WDR81: variants seen among roughly 807,000 people sequenced by gnomAD.
WDR81 encodes the protein WD repeat domain 81, also known as WD repeat-containing protein 81.
A neutral mutation model predicts 140.8 loss-of-function variants in WDR81; 92 were observed. The observed-to-expected ratio is 0.65, with a 90% CI of 0.55 to 0.78. The LOEUF is 0.78. Ranked by LOEUF, WDR81 falls within the 30% of genes least tolerant of loss-of-function variation. WDR81 has a pLI of 0.00. For synonymous variants in WDR81, 1,183 were observed against 1,156.4 expected, an observed-to-expected ratio of 1.02 and a Z score of -0.47; for missense variants, 2,502 against 2,636.4, an observed-to-expected ratio of 0.95 and a Z score of 1.12.
Position 1,725,494 on chromosome 17 carries a change from C to G in WDR81, c.535C>G (p.Gln179Glu). 6.5e-7 allele frequency: 1 copy of G among 1,547,366 alleles called. No homozygotes were observed. Among genetic ancestry groups the G allele is most frequent in the Non-Finnish European group, 8.7e-7 (1 of 1,146,902 alleles). ...TGTCCCTGCCTTGGACTCAGTACGGCAGGCTCTGCAGAGGGTCTATGGTTG... is the reference window on the plus strand; with the variant it reads ...TGTCCCTGCCTTGGACTCAGTACGGGAGGCTCTGCAGAGGGTCTATGGTTG... ...SAVPALDSVR[Q>E]ALQRVYGCSF... Residue 179 changes from glutamine to glutamate, a missense_variant, in exon 1 of 10, where the codon CAG becomes GAG. Coordinates refer to ENST00000409644, the MANE Select transcript of WDR81 (RefSeq NM_001163809.2).
chr17:1,737,545 C>G lies in WDR81; in HGVS notation c.5686C>G (p.Leu1896Val). The change falls in exon 10 of 10, where the codon CTG becomes GTG. Residue 1896 changes from leucine (L) to valine (V), a missense_variant. By Grantham distance (32) the Leu-to-Val change is conservative. Coordinates refer to ENST00000409644, the MANE Select transcript of WDR81 (RefSeq NM_001163809.2). ...GTCCAACAAGATTGGCGTCTGCTCC[C>G]TGCTTGAGCCACCCTCGCAGGCCAC... ...TVSNKIGVCSLLEPPSQATTK... is the reference protein window; with the variant it reads ...TVSNKIGVCSVLEPPSQATTK... 1 of 1,613,030 alleles carries G rather than the reference C, an allele frequency of 6.2e-7. No homozygotes were observed.
Position 1,728,071 on chromosome 17 carries a change from G to A in WDR81, c.3112G>A (p.Gly1038Arg), listed in dbSNP as rs140132367. ...AAEEEESGLP[G>R]AGPGSCAFGE... ...TGAGGAGGAGGAGAGCGGGCTGCCC[G>A]GGGCCGGGCCTGGCTCCTGTGCTTT... The change falls in exon 1 of 10, where the codon GGG becomes AGG. Residue 1038 changes from glycine (G) to arginine (R), a missense_variant. By Grantham distance (125) the Gly-to-Arg change is moderately radical. Coordinates refer to ENST00000409644, the MANE Select transcript of WDR81 (RefSeq NM_001163809.2). The A allele has an allele frequency of 4.7e-4, 753 of 1,585,312 alleles. 3 individuals carry two copies. In the African/African-American group the frequency reaches 8.7e-3, roughly 18 times the overall value.
Position 1,724,751 on chromosome 17 carries a change from G to A in WDR81, c.-209G>A. ...CCGGTGCTCGCGCCCGGCAGCCTCTGCCCCGCCGCGCCCGGAGCGCAGGAC... is the reference window on the plus strand; with the variant it reads ...CCGGTGCTCGCGCCCGGCAGCCTCTACCCCGCCGCGCCCGGAGCGCAGGAC... On this transcript the variant is annotated 5_prime_UTR_variant, in exon 1 of 10. Coordinates refer to ENST00000409644, the MANE Select transcript of WDR81 (RefSeq NM_001163809.2). 1 of 1,128,712 alleles carries A rather than the reference G, an allele frequency of 8.9e-7. No individual in the cohort carries two copies. The allele number at this position is 1,128,712 out of a possible 1,614,324, so 69.9% of individuals were successfully genotyped here. A position where few individuals can be genotyped will look rare whatever the true frequency, so the allele number is the denominator to read the frequency against.
In WDR81 at chr17:1,716,626, C is replaced by T. The variant is rs201917309; in HGVS notation, c.-131C>T. On this transcript the variant is annotated 5_prime_UTR_variant, in exon 1 of 11. Coordinates refer to the WDR81 transcript ENST00000309182. ...TGACACCGTCGTTCCCAGAACCCAG[C>T]GCGCTCTGTGAGTTGGCATTTTTAA... is the stretch of plus-strand genomic sequence containing the variant. 4,995 of 1,551,704 alleles carry T rather than the reference C, an allele frequency of 3.2e-3. 6 individuals are homozygous for T. Among genetic ancestry groups the T allele is most frequent in the Non-Finnish European group, 3.8e-3 (4,400 of 1,146,992 alleles).
At chr17:1,716,629 G>A in exon 1 of WDR81, 1 of 1,551,704 alleles carries the variant, frequency 6.4e-7, no homozygotes, top group Non-Finnish European at 8.7e-7. Flanking sequence ...AACCCAGCGC[G>A]CTCTGTGAGT....
intron 1 of WDR81, among the ~76,000 whole-genome samples, chr17:1,718,532 A>C (rs1304089420): frequency 6.6e-6 from 1 of 152,156 alleles, no homozygotes; most frequent in Non-Finnish European, 1.5e-5. Context: ...CAAGGGTCCT[A>C]ATTGCTCAAG....
chr17:1,734,497 A>G (rs978505964), intron 7 of WDR81, among the ~76,000 whole-genome samples: 4 of 152,172 alleles, frequency 2.6e-5, no homozygotes, highest in Non-Finnish European at 5.9e-5. Flanking sequence ...AAGATAACAC[A>G]CAGCCGGGCG....
rs1369707743 is a variant in WDR81, at chr17:1,728,342, G to A, written c.3383G>A (p.Gly1128Glu). The part of the protein sequence containing the change: ...SLGEERAPDE[G>E]GAPVDKSSLR... ...GGTGAGGAGCGGGCTCCAGACGAGG[G>A]GGGTGCCCCCGTGGACAAGAGCAGC... Residue 1128 changes from glycine to glutamate, a missense_variant, in exon 1 of 10, where the codon GGG becomes GAG. By Grantham distance (98) the Gly-to-Glu change is moderately conservative (BLOSUM62 -2). Transcript: ENST00000409644. 1 of 1,612,800 alleles carries A rather than the reference G, an allele frequency of 6.2e-7. No individual in the cohort carries two copies. Among genetic ancestry groups the A allele is most frequent in the East Asian group, 2.2e-5 (1 of 44,898 alleles).
In WDR81 at chr17:1,733,927, G is replaced by A; in HGVS notation, c.4890G>A (p.Gln1630=). Residue 1630 remains glutamine, a synonymous_variant, in exon 7 of 10, where the codon CAG becomes CAA. Transcript: ENST00000409644. ...YWQYEIGVSQ[Q]DAHFHFHQIR... ...AGTACGAGATCGGCGTGAGCCAGCA[G>A]GATGCCCACTTTCACTTCCACCAGA... 6.2e-7 allele frequency: 1 copy of A among 1,612,814 alleles called. No homozygotes were observed. The highest frequency in any genetic ancestry group is 2.2e-5 in the East Asian group (1 of 44,874).
intron 5 of WDR81, 84 bp downstream of exon 5, chr17:1,732,574 T>C (rs1297759353): frequency 6.3e-7 from 1 of 1,578,168 alleles, no homozygotes; most frequent in African/African-American, 1.3e-5. Context: ...TCATAGGATC[T>C]GAAGCTGGAC....
At position 1,730,432 on chromosome 17, in the gene WDR81, G is replaced by A. The variant is rs1915611615; in HGVS notation, c.3720G>A (p.Val1240=). 1.2e-6 allele frequency: 2 copies of A among 1,613,252 alleles called. No individual in the cohort carries two copies. The highest frequency in any genetic ancestry group is 1.7e-6 in the Non-Finnish European group (2 of 1,179,954). The change falls in exon 2 of 10, where the codon GTG becomes GTA. Residue 1240 remains valine, a synonymous_variant. Transcript: ENST00000409644. ...RWLSAKLGPT[V]ASRHVARNLL... is the part of the protein sequence containing the mutation. ...TGTCTGCCAAGCTCGGCCCCACAGT[G>A]GCCTCTCGCCACGTGGCCCGGAACC...
At position 1,732,820 on chromosome 17, in the gene WDR81, C is replaced by T. The variant is rs1904479781; in HGVS notation, c.4478C>T (p.Ser1493Phe). 1 of 1,608,962 alleles carries T rather than the reference C, an allele frequency of 6.2e-7. No homozygotes were observed. Among genetic ancestry groups the T allele is most frequent in the Non-Finnish European group, 8.5e-7 (1 of 1,177,516 alleles). Residue 1493 changes from serine (S) to phenylalanine (F), a missense_variant, in exon 6 of 10, where the codon TCC becomes TTC. Around this residue, in one of 3 missense-constraint regions of WDR81, gnomAD observed 1,737 missense variants for 1,843.0 expected, o/e 0.94. Transcript: ENST00000409644. ...GCATACACAATCTACGTGCCCTTCT[C>T]CTGCCTGTTGGGTACTGCCCCATCA... ...EMAYTIYVPFSCLLGDIIRKI... is the reference protein window; with the variant it reads ...EMAYTIYVPFFCLLGDIIRKI...
Position 1,737,399 on chromosome 17 carries a change from C to T in WDR81, c.5540C>T (p.Ser1847Phe). The change falls in exon 10 of 10, where the codon TCT becomes TTT. Residue 1847 changes from serine (S) to phenylalanine (F), a missense_variant. This residue lies in a region of WDR81 where 1,737 missense variants were observed against 1,843.0 expected (regional missense o/e 0.94). Coordinates refer to ENST00000409644, the MANE Select transcript of WDR81 (RefSeq NM_001163809.2). Reference protein sequence around the residue: ...VEGSVLVSSSSDHSLTVWKEL... With the variant: ...VEGSVLVSSSFDHSLTVWKEL... Reference sequence around the variant, plus strand: ...GGCAGCGTCCTGGTCAGCTCCTCCTCTGACCATTCCTTGACCGTCTGGAAG... The same window carrying T: ...GGCAGCGTCCTGGTCAGCTCCTCCTTTGACCATTCCTTGACCGTCTGGAAG... 1 of 1,612,596 alleles carries T rather than the reference C, an allele frequency of 6.2e-7. No individual in the cohort carries two copies. The highest frequency in any genetic ancestry group is 1.1e-5 in the South Asian group (1 of 91,054).
At position 1,737,707 on chromosome 17, in the gene WDR81, G is replaced by T; in HGVS notation, c.*22G>T. ...ATAGACTGAGGCAGGAGCTGGCCGGGCAAGGGTGGGAAGACATCTGCGGGC... is the reference window on the plus strand; with the variant it reads ...ATAGACTGAGGCAGGAGCTGGCCGGTCAAGGGTGGGAAGACATCTGCGGGC... On this transcript the variant is annotated 3_prime_UTR_variant, in exon 10 of 10. Transcript: ENST00000409644. 6.3e-7 allele frequency: 1 copy of T among 1,586,896 alleles called. No individual in the cohort carries two copies. The highest frequency in any genetic ancestry group is 8.6e-7 in the Non-Finnish European group (1 of 1,168,078).
chr17:1,720,637 C>T (rs1914814399), upstream of WDR81, among the ~76,000 whole-genome samples: 1 of 151,878 alleles, frequency 6.6e-6, no homozygotes. Flanking sequence ...GTTAGCCAGG[C>T]GCCTGTAATC....
At chr17:1,722,348 T>TC (rs200043408), upstream of WDR81, among the ~76,000 whole-genome samples, 15 of 121,178 alleles carry the variant, frequency 1.2e-4, no homozygotes, top group South Asian at 1.0e-3. Context: ...TTTCTCTCTC[T>TC]TTTTTTTTTT....
chr17:1,723,445 T>A (rs935525622), upstream of WDR81, among the ~76,000 whole-genome samples: 24 of 131,852 alleles, frequency 1.8e-4, no homozygotes, highest in African/African-American at 6.5e-4. Flanking sequence ...GGTTTTATTT[T>A]TATTTATTTA....
At chr17:1,717,074 G>A (rs1307305633) in intron 1 of WDR81, 1 of 194,344 alleles carries the variant, frequency 5.1e-6, no homozygotes, top group Admixed American at 5.3e-5. Context: ...AGAAATTAGG[G>A]GATGGGCCAT....
At chr17:1,723,926 T>C (rs943924057), upstream of WDR81, among the ~76,000 whole-genome samples, 1 of 152,142 alleles carries the variant, frequency 6.6e-6, no homozygotes, top group Non-Finnish European at 1.5e-5. Context: ...ACTTGTAAAA[T>C]ATAAACAGTA....
Sources: allele counts gnomAD v4.1 joint callset (sites outside exome capture counted in the v4.1 genomes callset), GRCh38; gene constraint gnomAD v4.1.1; regional missense constraint gnomAD v4.1.1; transcripts MANE v1.5; gene names NCBI Gene and HGNC (gene_info 2026-07-23, HGNC 2026-07-21).